The following SLC5A7 variants were observed in gnomAD, a reference collection of about 807,000 sequenced individuals.
SLC5A7 encodes solute carrier family 5 member 7.
A neutral mutation model predicts 55.4 loss-of-function variants in SLC5A7; 19 were observed. The ratio of observed to expected loss-of-function variants is 0.34; its 90% CI spans 0.24 to 0.50. The LOEUF is 0.50. Among genes scored for constraint, SLC5A7 ranks in the 20% least tolerant of loss-of-function variants. SLC5A7 has a pLI of 0.98. For synonymous variants in SLC5A7, 265 were observed against 263.7 expected, an observed-to-expected ratio of 1.00 and a Z score of -0.05; for missense variants, 506 against 705.3, an observed-to-expected ratio of 0.72 and a Z score of 3.20.
chr2:108,001,473 A>T (rs1221594184), intron 5 of SLC5A7, among the ~76,000 whole-genome samples: 1 of 151,850 alleles, frequency 6.6e-6, no homozygotes, highest in Admixed American at 6.6e-5. Context: ...GGAGATCGAG[A>T]CCATCCCGGC....
Position 108,009,934 on chromosome 2 carries a change from C to T in SLC5A7, c.1114-298C>T, listed in dbSNP as rs78450577. Among the ~76,000 whole-genome samples, 999 of 152,244 alleles carry T rather than the reference C, an allele frequency of 6.6e-3. 25 individuals carry two copies. Among genetic ancestry groups the T allele is most frequent in the East Asian group, 0.042 (217 of 5,160 alleles). ...GGAAATCTTCCCTTGCTTTATTATA[C>T]CTCCCTGACACCATGTTAGCTCATC... On this transcript the variant is annotated intron_variant, in intron 8 of 8. Transcript: ENST00000264047.
chr2:108,002,133 CT>C, intron 6 of SLC5A7, 93 bp downstream of exon 6: 1 of 1,442,210 alleles, frequency 6.9e-7, no homozygotes, highest in African/African-American at 1.4e-5. Flanking sequence ...AAAAAATGTG[CT>C]TGTGGGCTCA....
In SLC5A7 at chr2:108,004,989, T is replaced by C. The variant is rs1033775289; in HGVS notation, c.742-1060T>C. 2.0e-5 allele frequency among the ~76,000 whole-genome samples: 3 copies of C among 152,250 alleles called. No individual in the cohort carries two copies. In the South Asian group the frequency reaches 6.2e-4, roughly 32 times the overall value. Reference sequence around the variant, plus strand: ...TGCATTATAGTTTAAACGTTTTTTATTGTATATGCTCAATAAGAAATTTAA... The same window carrying C: ...TGCATTATAGTTTAAACGTTTTTTACTGTATATGCTCAATAAGAAATTTAA... On this transcript the variant is annotated intron_variant, in intron 6 of 8. Coordinates refer to ENST00000264047, the MANE Select transcript of SLC5A7 (RefSeq NM_021815.5).
chr2:108,008,411 T>C, intron 7 of SLC5A7, 54 bp from the exon 8 acceptor site: 1 of 1,437,162 alleles, frequency 7.0e-7, no homozygotes, highest in Non-Finnish European at 9.7e-7. Flanking sequence ...CCCAGATGGA[T>C]AAAGAACATT....
intron 6 of SLC5A7, 73 bp from the exon 7 acceptor site, chr2:108,005,976 A>G: frequency 6.3e-7 from 1 of 1,579,942 alleles, no homozygotes; most frequent in Non-Finnish European, 8.6e-7. Context: ...GCCTATTCTA[A>G]ATGTGATTGC....
intron 2 of SLC5A7, among the ~76,000 whole-genome samples, chr2:107,989,283 A>G (rs1443185105): frequency 5.3e-5 from 8 of 152,214 alleles, no homozygotes; most frequent in South Asian, 4.1e-4. Flanking sequence ...CCCATGGGAA[A>G]TGATATCAAG....
intron 6 of SLC5A7, among the ~76,000 whole-genome samples, chr2:108,005,733 T>A (rs1678085668): frequency 6.6e-6 from 1 of 152,136 alleles, no homozygotes; most frequent in Non-Finnish European, 1.5e-5. Flanking sequence ...CCTCCTCACA[T>A]GGTGGAAGGA....
intron 5 of SLC5A7, among the ~76,000 whole-genome samples, chr2:107,998,766 A>G (rs971572242): frequency 1.3e-5 from 2 of 152,218 alleles, no homozygotes; most frequent in African/African-American, 2.4e-5. Flanking sequence ...TTTAGGGGCA[A>G]TGCCCTCCTG....
rs1678366071 is a variant in SLC5A7, at chr2:108,012,407, T to C, written c.*1546T>C. The stretch of plus-strand genomic sequence containing the variant: ...ACTCATGAACAAAATGAAGTTAACT[T>C]AGTGTTTAGCATTAAAAATAAAAGT... On this transcript the variant is annotated 3_prime_UTR_variant, in exon 9 of 9. Transcript: ENST00000264047. 1 of 152,116 alleles carries C rather than the reference T, an allele frequency of 6.6e-6. No individual in the cohort carries two copies. The allele number at this position is 152,116 out of a possible 1,614,324, so 9.4% of individuals were successfully genotyped here. A position where few individuals can be genotyped will look rare whatever the true frequency, so the allele number is the denominator to read the frequency against.
At chr2:107,997,809 T>G in intron 4 of SLC5A7, 29 bp from the exon 5 acceptor site, 1 of 1,578,988 alleles carries the variant, frequency 6.3e-7, no homozygotes, top group South Asian at 1.2e-5. Context: ...CTGGGCACCT[T>G]GACCACAGAA....
At position 108,008,500 on chromosome 2, in the gene SLC5A7, A is replaced by G. The variant is rs1307429820; in HGVS notation, c.931A>G (p.Lys311Glu). Residue 311 changes from lysine to glutamate, a missense_variant, in exon 8 of 9, where the codon AAG (lysine) becomes GAG (glutamate). By Grantham distance (56) the Lys-to-Glu change is moderately conservative. Coordinates refer to ENST00000264047, the MANE Select transcript of SLC5A7 (RefSeq NM_021815.5). The stretch of plus-strand genomic sequence containing the variant: ...GACTGCATATGGGCTTCCAGATCCC[A>G]AGACTACAGAAGAGGCAGACATGAT... ...NQTAYGLPDP[K>E]TTEEADMILP... 1.2e-6 allele frequency: 2 copies of G among 1,613,740 alleles called. No individual in the cohort carries two copies. Among genetic ancestry groups the G allele is most frequent in the Non-Finnish European group, 1.7e-6 (2 of 1,179,836 alleles).
intron 8 of SLC5A7, among the ~76,000 whole-genome samples, chr2:108,009,593 G>A (rs1335726219): frequency 3.3e-5 from 5 of 152,124 alleles, no homozygotes; most frequent in Non-Finnish European, 7.4e-5. Context: ...CTAGTTTGCT[G>A]AGGATGATGG....
At chr2:108,006,280 C>T in intron 7 of SLC5A7, 78 bp downstream of exon 7, 3 of 1,503,328 alleles carry the variant, frequency 2.0e-6, no homozygotes, top group South Asian at 2.4e-5. Context: ...TCCCACTCCC[C>T]TCTTTCCTCC....
intron 4 of SLC5A7, among the ~76,000 whole-genome samples, chr2:107,994,041 G>A (rs182824656): frequency 1.3e-5 from 2 of 152,122 alleles, no homozygotes; most frequent in Admixed American, 6.5e-5. Flanking sequence ...GCGTCTCCTC[G>A]ACTCCAATCT....
chr2:108,000,538 T>A (rs1573604502), intron 5 of SLC5A7, among the ~76,000 whole-genome samples: 1 of 152,292 alleles, frequency 6.6e-6, no homozygotes, highest in East Asian at 1.9e-4. Context: ...ACTCAAGCAA[T>A]CCTCTAACAG....
At chr2:107,997,030 A>G (rs539282732) in intron 4 of SLC5A7, among the ~76,000 whole-genome samples, 2 of 152,196 alleles carry the variant, frequency 1.3e-5, no homozygotes, top group African/African-American at 4.8e-5. Context: ...ATCAAAGCCT[A>G]GTAGGGGGCA....
intron 5 of SLC5A7, among the ~76,000 whole-genome samples, chr2:108,001,197 A>G (rs1422561926): frequency 6.7e-6 from 1 of 149,696 alleles, no homozygotes; most frequent in Non-Finnish European, 1.5e-5. Context: ...ATAGCTACGT[A>G]TCTATTTATG....
chr2:107,991,996 C>A, intron 2 of SLC5A7, 110 bp from the exon 3 acceptor site: 1 of 548,558 alleles, frequency 1.8e-6, no homozygotes, highest in Non-Finnish European at 3.4e-6. Flanking sequence ...TCAATCTAGG[C>A]TCGTCACATT....
At chr2:108,000,156 T>G (rs1677825006) in intron 5 of SLC5A7, among the ~76,000 whole-genome samples, 1 of 152,048 alleles carries the variant, frequency 6.6e-6, no homozygotes, top group Non-Finnish European at 1.5e-5. Context: ...TGGGTGCGAG[T>G]GTACACGCAC....
Sources: allele counts gnomAD v4.1 joint callset (sites outside exome capture counted in the v4.1 genomes callset), GRCh38; gene constraint gnomAD v4.1.1; transcripts MANE v1.5; gene names NCBI Gene and HGNC (gene_info 2026-07-23, HGNC 2026-07-21).